The following RIMS2 variants were observed in gnomAD, a reference collection of about 807,000 sequenced individuals.
RIMS2 encodes the protein regulating synaptic membrane exocytosis protein 2.
In RIMS2, 59 loss-of-function variants were observed where a neutral mutation model predicts 174.4. The observed-to-expected ratio is 0.34, with a 90% confidence interval of 0.27 to 0.42. The LOEUF is 0.42. RIMS2 is among the 10% of genes least tolerant of loss of function. The pLI is 1.00. For missense variants in RIMS2, 1,620 were observed against 1,666.3 expected (o/e 0.97, Z 0.48); for synonymous variants, 606 against 572.5 (o/e 1.06, Z -0.84).
At chr8:103,701,300 A>G (rs2097163971) in intron 2 of RIMS2, among the ~76,000 whole-genome samples, 1 of 152,120 alleles carries the variant, frequency 6.6e-6, no homozygotes, top group Non-Finnish European at 1.5e-5. Context: ...TGGATACATA[A>G]TATTTAATAG....
At chr8:103,802,164 A>G (rs1020341880) in intron 3 of RIMS2, among the ~76,000 whole-genome samples, 3 of 152,120 alleles carry the variant, frequency 2.0e-5, no homozygotes, top group Admixed American at 6.6e-5. Context: ...CAAAATGACC[A>G]TTTTTGAGCC....
intron 3 of RIMS2, among the ~76,000 whole-genome samples, chr8:103,847,277 C>G (rs538434412): frequency 6.6e-6 from 1 of 152,000 alleles, no homozygotes; most frequent in East Asian, 1.9e-4. Context: ...TTCTACGTAT[C>G]GGGGGCATAG....
chr8:103,667,427 C>G lies in RIMS2; in HGVS notation c.177-29659C>G, dbSNP rs530196789. Among the ~76,000 whole-genome samples, 6 of 152,288 alleles carry G rather than the reference C, an allele frequency of 3.9e-5. No homozygotes were observed. In the East Asian group the frequency reaches 1.2e-3, roughly 29 times the overall value. On this transcript the variant is annotated intron_variant, in intron 1 of 23. Coordinates refer to ENST00000504942, the Ensembl canonical transcript of RIMS2. ...AACTGTGTAAAAAGAGACCGCCCAT[C>G]TGGAATAATGAAGGCCTTCTGGCAG...
intron 1 of RIMS2, among the ~76,000 whole-genome samples, chr8:103,538,824 C>G (rs1405967282): frequency 6.6e-6 from 1 of 152,206 alleles, no homozygotes; most frequent in Admixed American, 6.5e-5. Context: ...TTGTATCATT[C>G]TTATGGCTTT....
chr8:103,913,118 G>A (rs1053442504), intron 6 of RIMS2, among the ~76,000 whole-genome samples: 22 of 150,486 alleles, frequency 1.5e-4, no homozygotes, highest in Admixed American at 2.6e-4. Flanking sequence ...GACTATAGGC[G>A]CGCACCACCA....
intron 1 of RIMS2, among the ~76,000 whole-genome samples, chr8:103,692,197 A>AAG (rs2097035861): frequency 6.6e-6 from 1 of 152,142 alleles, no homozygotes; most frequent in African/African-American, 2.4e-5. Flanking sequence ...GCTCACAGCA[A>AAG]CCACTGCCTG....
intron 1 of RIMS2, among the ~76,000 whole-genome samples, chr8:103,608,319 G>A (rs1486734726): frequency 1.4e-5 from 2 of 143,660 alleles, no homozygotes; most frequent in Admixed American, 1.3e-4. Flanking sequence ...TCGGGGGTCA[G>A]GGACCCACTT....
chr8:103,704,554 T>G (rs185060474), intron 2 of RIMS2, among the ~76,000 whole-genome samples: 12 of 152,214 alleles, frequency 7.9e-5, no homozygotes, highest in African/African-American at 2.9e-4. Context: ...GTATTAATTC[T>G]TCTTTTAAAT....
intron 19 of RIMS2, among the ~76,000 whole-genome samples, chr8:104,049,618 T>TA (rs1276166305): frequency 2.6e-5 from 4 of 152,054 alleles, no homozygotes; most frequent in African/African-American, 4.8e-5. Context: ...TCATCATTGT[T>TA]AAAAAAATGA....
At chr8:103,543,282 A>G (rs972727924) in intron 1 of RIMS2, among the ~76,000 whole-genome samples, 2 of 152,162 alleles carry the variant, frequency 1.3e-5, no homozygotes, top group Non-Finnish European at 2.9e-5. Context: ...GCTACAAAAA[A>G]TATCTAGGAA....
At chr8:103,945,067 T>C (rs758619878) in intron 14 of RIMS2, among the ~76,000 whole-genome samples, 10 of 152,094 alleles carry the variant, frequency 6.6e-5, no homozygotes, top group East Asian at 1.9e-4. Context: ...AGTGGATAAA[T>C]ATTGCATTTA....
intron 1 of RIMS2, among the ~76,000 whole-genome samples, chr8:103,544,509 G>C (rs1392407457): frequency 6.6e-6 from 1 of 152,214 alleles, no homozygotes; most frequent in Non-Finnish European, 1.5e-5. Flanking sequence ...TATTGCGCTA[G>C]AGACACCTAG....
At chr8:104,059,937 A>C (rs1390856001) in intron 19 of RIMS2, among the ~76,000 whole-genome samples, 1 of 152,066 alleles carries the variant, frequency 6.6e-6, no homozygotes, top group African/African-American at 2.4e-5. Flanking sequence ...GTCATGGTGG[A>C]TAAGCTTTTT....
At position 103,918,527 on chromosome 8, in the gene RIMS2, T is replaced by C. The variant is rs371573982; in HGVS notation, c.2083+40T>C. 5.1e-6 allele frequency: 7 copies of C among 1,378,026 alleles called. No individual in the cohort carries two copies. The African/African-American group carries it at 5.7e-5, about 11-fold the overall frequency. The allele number at this position is 1,378,026 out of a possible 1,614,324, so 85.4% of individuals were successfully genotyped here. ...TGCTGGAAGAAAACGTTATTTATAA[T>C]TGCATTCATCAGAGATCAGATGAAG... On this transcript the variant is annotated intron_variant, in intron 9 of 23. Transcript: ENST00000504942.
chr8:104,220,037 AT>A (rs917289377), intron 19 of RIMS2, among the ~76,000 whole-genome samples: 9 of 152,216 alleles, frequency 5.9e-5, no homozygotes, highest in South Asian at 2.1e-4. Context: ...GAACATAAAA[AT>A]TTTTTTTAAA....
chr8:103,971,558 T>C (rs1196175101), intron 15 of RIMS2, among the ~76,000 whole-genome samples: 3 of 151,930 alleles, frequency 2.0e-5, no homozygotes, highest in African/African-American at 7.3e-5. Flanking sequence ...CTTACTCTTA[T>C]CTTAGTAGCA....
intron 19 of RIMS2, among the ~76,000 whole-genome samples, chr8:104,182,216 A>G (rs1046088062): frequency 1.3e-5 from 2 of 151,840 alleles, no homozygotes; most frequent in South Asian, 2.1e-4. Context: ...GGTTCTGTGT[A>G]TATTCCAAAT....
At chr8:103,509,941 TAAC>T (rs1420256648) in intron 1 of RIMS2, among the ~76,000 whole-genome samples, 1 of 152,178 alleles carries the variant, frequency 6.6e-6, no homozygotes, top group Non-Finnish European at 1.5e-5. Flanking sequence ...CATTTGGAAT[TAAC>T]AACTTTTGTA....
chr8:103,530,490 A>G (rs978223057), intron 1 of RIMS2, among the ~76,000 whole-genome samples: 1 of 152,142 alleles, frequency 6.6e-6, no homozygotes, highest in South Asian at 2.1e-4. Context: ...ACTGTATGCT[A>G]TTTATGAGAT....
Sources: gnomAD v4.1 joint callset for allele counts (sites outside exome capture counted in the v4.1 genomes callset) on GRCh38, gnomAD v4.1.1 for gene constraint, MANE v1.5 for transcripts, NCBI Gene and HGNC (gene_info 2026-07-23, HGNC 2026-07-21) for gene names.